Variants in CTTNBP2 observed in about 807,000 individuals in gnomAD.
CTTNBP2 encodes the protein cortactin-binding protein 2.
A neutral mutation model predicts 156.9 loss-of-function variants in CTTNBP2; 108 were observed. That is an observed-to-expected ratio of 0.69 (90% CI 0.59 to 0.81). CTTNBP2 has a LOEUF of 0.81. Among genes scored for constraint, CTTNBP2 ranks in the 30% least tolerant of loss-of-function variants. The probability of loss-of-function intolerance (pLI) is 0.00; values close to 1 mark genes in which losing one functional copy is unlikely to be tolerated. For missense variants in CTTNBP2, 1,924 were observed against 2,035.4 expected (o/e 0.95, Z 1.05); for synonymous variants, 767 against 751.8 (o/e 1.02, Z -0.33).
In CTTNBP2 at chr7:117,735,309, A is replaced by G. The variant is rs1197598863; in HGVS notation, c.3648T>C (p.Leu1216=). Residue 1216 remains leucine, a synonymous_variant, in exon 15 of 23, where the codon CTT becomes CTC. Coordinates refer to ENST00000160373, the MANE Select transcript of CTTNBP2 (RefSeq NM_033427.3). ...SELLRDFLAP[L]ENRSTESPCT... ...AGGGGCTTTCAGTGCTGCGATTTTC[A>G]AGAGGTGCCAAAAAGTCCCTCAATA... 1 of 1,614,128 alleles carries G rather than the reference A, an allele frequency of 6.2e-7. No homozygotes were observed. The highest frequency in any genetic ancestry group is 1.1e-5 in the South Asian group (1 of 91,054).
At chr7:117,836,629 G>A (rs1187188512) in intron 2 of CTTNBP2, among the ~76,000 whole-genome samples, 1 of 152,148 alleles carries the variant, frequency 6.6e-6, no homozygotes, top group Non-Finnish European at 1.5e-5. Flanking sequence ...TAAGAAATAC[G>A]TCACTCTTGT....
intron 8 of CTTNBP2, among the ~76,000 whole-genome samples, chr7:117,773,527 T>C (rs975237200): frequency 2.6e-5 from 4 of 152,008 alleles, no homozygotes; most frequent in Admixed American, 2.0e-4. Flanking sequence ...AAGGCAAATA[T>C]GGAGATATGG....
At position 117,722,870 on chromosome 7, in the gene CTTNBP2, C is replaced by T. The variant is rs541731790; in HGVS notation, c.4447+1677G>A. On this transcript the variant is annotated intron_variant, in intron 19 of 22. Coordinates refer to ENST00000160373, the MANE Select transcript of CTTNBP2 (RefSeq NM_033427.3). ...GGCTTGCAAGAAACAATTACAGAAC[C>T]GCATATTTCCAGGAGAGGTGATTTG... Among the ~76,000 whole-genome samples the T allele has an allele frequency of 2.6e-5, 4 of 152,122 alleles. No homozygotes were observed. The East Asian group carries it at 5.8e-4, about 22-fold the overall frequency.
At chr7:117,722,784 C>T (rs1218382107) in intron 19 of CTTNBP2, among the ~76,000 whole-genome samples, 1 of 152,110 alleles carries the variant, frequency 6.6e-6, no homozygotes, top group Non-Finnish European at 1.5e-5. Flanking sequence ...TATCTGAGTA[C>T]CCATAGATCA....
chr7:117,780,409 A>G, intron 7 of CTTNBP2, 32 bp downstream of exon 7: 1 of 1,425,540 alleles, frequency 7.0e-7, no homozygotes, highest in Non-Finnish European at 9.3e-7. Context: ...CAAATTATAT[A>G]TACAGGGGGA....
chr7:117,778,026 AG>A, intron 7 of CTTNBP2, among the ~76,000 whole-genome samples: 1 of 152,332 alleles, frequency 6.6e-6, no homozygotes, highest in African/African-American at 2.4e-5. Flanking sequence ...TGGGGTGAGC[AG>A]GTACTGTCCA....
At chr7:117,802,527 T>C (rs1429745617) in intron 3 of CTTNBP2, among the ~76,000 whole-genome samples, 1 of 123,188 alleles carries the variant, frequency 8.1e-6, no homozygotes, top group African/African-American at 2.8e-5. Context: ...ACAACAAAAA[T>C]ACAAATTGTT....
At chr7:117,827,091 T>C (rs1432398350) in intron 2 of CTTNBP2, among the ~76,000 whole-genome samples, 2 of 152,168 alleles carry the variant, frequency 1.3e-5, no homozygotes, top group African/African-American at 2.4e-5. Context: ...ACTCCTGGCC[T>C]TAATTGATCT....
At chr7:117,726,435 T>C (rs1170646179) in intron 17 of CTTNBP2, among the ~76,000 whole-genome samples, 2 of 152,106 alleles carry the variant, frequency 1.3e-5, no homozygotes, top group African/African-American at 2.4e-5. Context: ...TGAATCGAAA[T>C]TATGCAGTTA....
rs71528190 is a variant in CTTNBP2, at chr7:117,773,648, A to AACACACACACAC, written c.2778+3851_2778+3862dup. Among the ~76,000 whole-genome samples the AACACACACACAC allele has an allele frequency of 5.6e-3, 529 of 95,102 alleles. 7 individuals are homozygous for AACACACACACAC. Among genetic ancestry groups the AACACACACACAC allele is most frequent in the East Asian group, 0.011 (33 of 3,082 alleles). The allele number at this position is 95,102 out of a possible 152,430, so 62.4% of individuals were successfully genotyped here. A position where few individuals can be genotyped will look rare whatever the true frequency, so the allele number is the denominator to read the frequency against. Reference sequence around the variant, plus strand: ...TAAAGCTTGGGAGTTGCTTAGAGTTAACACACACACACACACACACACACA... The same window carrying AACACACACACAC: ...TAAAGCTTGGGAGTTGCTTAGAGTTAACACACACACACACACACACACACACACACACACACA... On this transcript the variant is annotated intron_variant, in intron 8 of 22. Coordinates refer to ENST00000160373, the MANE Select transcript of CTTNBP2 (RefSeq NM_033427.3).
At chr7:117,784,555 G>T in intron 4 of CTTNBP2, 101 bp from the exon 5 acceptor site, 1 of 765,944 alleles carries the variant, frequency 1.3e-6, no homozygotes, top group Non-Finnish European at 2.0e-6. Context: ...ATATGAACAT[G>T]TGTCCCTAGA....
chr7:117,846,110 C>T (rs895028384), intron 2 of CTTNBP2, among the ~76,000 whole-genome samples: 6 of 152,118 alleles, frequency 3.9e-5, no homozygotes, highest in Non-Finnish European at 2.9e-5. Flanking sequence ...CTCAGCCTCC[C>T]AAAGTGCTGA....
chr7:117,864,719 T>TTCA (rs1563077718), intron 1 of CTTNBP2, among the ~76,000 whole-genome samples: 10 of 133,098 alleles, frequency 7.5e-5, no homozygotes, highest in Admixed American at 1.5e-4. Context: ...TATATATTCA[T>TTCA]ATATACATAT....
chr7:117,729,115 C>T (rs1368835042), intron 16 of CTTNBP2, among the ~76,000 whole-genome samples: 1 of 152,178 alleles, frequency 6.6e-6, no homozygotes, highest in African/African-American at 2.4e-5. Flanking sequence ...TCTGGGAGGA[C>T]TGAATTATTC....
chr7:117,716,776 C>CATACCTGCTCT (rs1181290635), intron 22 of CTTNBP2, among the ~76,000 whole-genome samples: 1 of 152,182 alleles, frequency 6.6e-6, no homozygotes, highest in African/African-American at 2.4e-5. Context: ...TTCCCACTCC[C>CATACCTGCTCT]ATACCTGCTC....
chr7:117,784,291 G>T lies in CTTNBP2; in HGVS notation c.2232C>A (p.Gly744=). 1 of 1,613,212 alleles carries T rather than the reference G, an allele frequency of 6.2e-7. No homozygotes were observed. The highest frequency in any genetic ancestry group is 8.5e-7 in the Non-Finnish European group (1 of 1,179,720). Residue 744 remains glycine, a synonymous_variant, in exon 5 of 23, where the codon GGC becomes GGA. Transcript: ENST00000160373. The part of the protein sequence containing the change: ...GLDINYSCED[G]HSALYSAAKN... The stretch of plus-strand genomic sequence containing the variant: ...TAGCAGCAGAATACAAGGCAGAATG[G>T]CCATCTTCACAGGAGTAATTAATGT...
intron 2 of CTTNBP2, among the ~76,000 whole-genome samples, chr7:117,823,212 A>G (rs1801072044): frequency 6.6e-6 from 1 of 152,176 alleles, no homozygotes; most frequent in African/African-American, 2.4e-5. Context: ...CACAATGTTC[A>G]TTTCTTAAAA....
intron 3 of CTTNBP2, among the ~76,000 whole-genome samples, chr7:117,809,239 TTC>T (rs1399523070): frequency 6.6e-6 from 1 of 152,186 alleles, no homozygotes; most frequent in African/African-American, 2.4e-5. Context: ...ACTAGAAGTG[TTC>T]TTTTTTTCTC....
rs755505224 is a variant in CTTNBP2, at chr7:117,767,123, G to T, written c.2832C>A (p.Asp944Glu). 4 of 1,613,274 alleles carry T rather than the reference G, an allele frequency of 2.5e-6. No individual in the cohort carries two copies. In the South Asian group the frequency reaches 3.3e-5, roughly 13 times the overall value. The part of the protein sequence containing the change: ...RHGGLEPERR[D>E]KCNRTVHDVA... ...CATCATGCACAGTCCGATTGCACTT[G>T]TCTCTCCTTTCTGGCTCAAGCCCTC... The change falls in exon 9 of 23, where the codon GAC becomes GAA. Residue 944 changes from aspartate to glutamate, a missense_variant. Coordinates refer to ENST00000160373, the MANE Select transcript of CTTNBP2 (RefSeq NM_033427.3).
Sources: allele counts gnomAD v4.1 joint callset (sites outside exome capture counted in the v4.1 genomes callset), GRCh38; gene constraint gnomAD v4.1.1; transcripts MANE v1.5; gene names NCBI Gene and HGNC (gene_info 2026-07-23, HGNC 2026-07-21).